SORBS3: variants seen among roughly 807,000 people sequenced by gnomAD.
SORBS3 encodes sorbin and SH3 domain containing 3.
In SORBS3, 69 loss-of-function variants were observed where a neutral mutation model predicts 98.0. The ratio of observed to expected loss-of-function variants is 0.70; its 90% CI spans 0.58 to 0.86. The LOEUF (loss-of-function observed/expected upper bound fraction) is 0.86. SORBS3 is among the 40% of genes least tolerant of loss of function. The pLI, the probability that SORBS3 is intolerant of heterozygous loss-of-function variation, is 0.00. For synonymous variants in SORBS3, 394 were observed against 355.4 expected (o/e 1.11, Z -1.22); for missense variants, 954 against 908.5 (o/e 1.05, Z -0.64).
chr8:22,571,772 C>T lies in SORBS3; in HGVS notation c.1798C>T (p.Leu600=), dbSNP rs2117299818. Residue 600 remains leucine, a synonymous_variant, in exon 19 of 21, where the codon CTG becomes TTG. Coordinates refer to ENST00000240123, the MANE Select transcript of SORBS3 (RefSeq NM_005775.5). The part of the protein sequence containing the change: ...LSHSRGPSHP[L]DLGTSSPNTS... The stretch of plus-strand genomic sequence containing the variant: ...CCACTCTCGAGGTCCCAGCCATCCC[C>T]TGGACCTGGGGACCTCCTCTCCTAA... The T allele has an allele frequency of 6.2e-7, 1 of 1,614,068 alleles. No individual in the cohort carries two copies. The highest frequency in any genetic ancestry group is 2.2e-5 in the East Asian group (1 of 44,888).
At chr8:22,557,011 C>G in intron 4 of SORBS3, 103 bp downstream of exon 4, 1 of 1,286,652 alleles carries the variant, frequency 7.8e-7, no homozygotes, top group East Asian at 2.5e-5. Context: ...AGGCCGCACC[C>G]AAACCATCCC....
chr8:22,555,877 C>CA (rs1024332368), intron 3 of SORBS3, among the ~76,000 whole-genome samples: 5 of 151,798 alleles, frequency 3.3e-5, no homozygotes, highest in African/African-American at 4.8e-5. Flanking sequence ...AAAACAAAAC[C>CA]AAAAAAAACA....
chr8:22,567,017 G>T (rs1323729085), intron 15 of SORBS3, 44 bp from the exon 16 acceptor site: 2 of 1,577,656 alleles, frequency 1.3e-6, no homozygotes, highest in Non-Finnish European at 1.7e-6. Context: ...AAGGAGGCTT[G>T]GGAAGGCTTC....
At chr8:22,558,057 A>C in intron 4 of SORBS3, 72 bp from the exon 5 acceptor site, 1 of 1,502,232 alleles carries the variant, frequency 6.7e-7, no homozygotes, top group Non-Finnish European at 9.3e-7. Context: ...CTCACTAGGG[A>C]AAGATTTTTG....
In SORBS3 at chr8:22,571,107, C is replaced by G; in HGVS notation, c.1629C>G (p.Pro543=). ...CTGCCGCCCGCTCAGCCCGTCACCC[C>G]AGCTCCCCCTCAGCCCTGCGCAGCC... is the stretch of plus-strand genomic sequence containing the variant. ...LTAAARSARH[P]SSPSALRSPA... is the part of the protein sequence containing the mutation. The change falls in exon 18 of 21, where the codon CCC becomes CCG. Residue 543 remains proline (P), a synonymous_variant. Coordinates refer to ENST00000240123, the MANE Select transcript of SORBS3 (RefSeq NM_005775.5). 6.2e-7 allele frequency: 1 copy of G among 1,609,972 alleles called. No homozygotes were observed. The highest frequency in any genetic ancestry group is 8.5e-7 in the Non-Finnish European group (1 of 1,179,160).
In SORBS3 at chr8:22,573,975, A is replaced by C. The variant is rs549272831; in HGVS notation, c.1955-692A>C. Among the ~76,000 whole-genome samples, 9 of 152,242 alleles carry C rather than the reference A, an allele frequency of 5.9e-5. No individual in the cohort carries two copies. The South Asian group carries it at 1.7e-3, about 28-fold the overall frequency. On this transcript the variant is annotated intron_variant, in intron 20 of 20. Coordinates refer to ENST00000240123, the MANE Select transcript of SORBS3 (RefSeq NM_005775.5). ...GGCTGCTCCAGAGGCAGGGGTGTGC[A>C]GGGAAAAGGGGCAGGGCTCTGAAGG...
chr8:22,568,215 TATTA>T (rs1233393854), intron 16 of SORBS3, among the ~76,000 whole-genome samples: 4 of 152,330 alleles, frequency 2.6e-5, no homozygotes, highest in Non-Finnish European at 4.4e-5. Flanking sequence ...TCTAGAGCTT[TATTA>T]ATTTACTTGA....
intron 17 of SORBS3, among the ~76,000 whole-genome samples, chr8:22,570,516 T>C (rs562954488): frequency 1.3e-5 from 2 of 152,236 alleles, no homozygotes; most frequent in East Asian, 1.9e-4. Context: ...TCACTTAACA[T>C]AGGAGAAAAC....
chr8:22,549,122 T>C (rs1055210231), upstream of SORBS3, among the ~76,000 whole-genome samples: 2 of 152,208 alleles, frequency 1.3e-5, no homozygotes, highest in African/African-American at 4.8e-5. Context: ...GTTATGTAAC[T>C]GTGTTTACTG....
intron 12 of SORBS3, chr8:22,566,111 C>T (rs1456759310): frequency 5.2e-6 from 3 of 577,246 alleles, no homozygotes; most frequent in Non-Finnish European, 7.9e-6. Context: ...GGGCGCAGCG[C>T]GGTTAGGGCG....
intron 10 of SORBS3, chr8:22,564,868 G>A (rs1840371468): frequency 7.9e-7 from 1 of 1,263,232 alleles, no homozygotes; most frequent in African/African-American, 1.5e-5. Context: ...AGGAAGCAGC[G>A]TGGGGGTGGG....
Position 22,565,845 on chromosome 8 carries a change from G to T in SORBS3, c.923G>T (p.Arg308Leu), listed in dbSNP as rs931512927. Residue 308 changes from arginine to leucine, a missense_variant, in exon 12 of 21, where the codon CGG becomes CTG. Coordinates refer to ENST00000240123, the MANE Select transcript of SORBS3 (RefSeq NM_005775.5). Reference sequence around the variant, plus strand: ...GCGCAGAGCTCGCCGGCGCCCCGACGGGCCCCGGAGCAGCGGCCCCCGGCC... The same window carrying T: ...GCGCAGAGCTCGCCGGCGCCCCGACTGGCCCCGGAGCAGCGGCCCCCGGCC... ...PSPKSSPAPR[R>L]APEQRPPAGP... The T allele has an allele frequency of 2.3e-6, 3 of 1,291,990 alleles. No homozygotes were observed. The African/African-American group carries it at 4.6e-5, about 20-fold the overall frequency. 80.0% of individuals were successfully genotyped at this position (1,291,990 alleles called of 1,614,324 possible).
Position 22,567,104 on chromosome 8 carries a change from G to GGCTTGTGTCTGGTGTTT in SORBS3, c.1234_1235insGCTTGTGTCTGGTGTTT (p.Glu412GlyfsTer78), listed in dbSNP as rs1840446318. ...GGGTGACATTGTCTACATCCACAAG[G>GGCTTGTGTCTGGTGTTT]AGGTGGACAAGAACTGGCTGGAGGG... On this transcript the variant is annotated frameshift_variant, in exon 16 of 21. Coordinates refer to ENST00000240123, the MANE Select transcript of SORBS3 (RefSeq NM_005775.5). LOFTEE classifies it high-confidence loss of function. 6.2e-7 allele frequency: 1 copy of GGCTTGTGTCTGGTGTTT among 1,613,496 alleles called. No homozygotes were observed. The highest frequency in any genetic ancestry group is 8.5e-7 in the Non-Finnish European group (1 of 1,179,862).
chr8:22,559,465 C>G (rs1224511000), intron 5 of SORBS3, among the ~76,000 whole-genome samples: 1 of 152,148 alleles, frequency 6.6e-6, no homozygotes, highest in African/African-American at 2.4e-5. Flanking sequence ...CTTTGGGAGG[C>G]CAAGGTGGGT....
At chr8:22,547,633 T>C (rs1840029816), upstream of SORBS3, among the ~76,000 whole-genome samples, 1 of 152,194 alleles carries the variant, frequency 6.6e-6, no homozygotes, top group Non-Finnish European at 1.5e-5. Context: ...GTGCCCTCCT[T>C]TGTGGCTGAG....
chr8:22,554,568 A>C lies in SORBS3; in HGVS notation c.62A>C (p.His21Pro), dbSNP rs771827568. 5.6e-6 allele frequency: 9 copies of C among 1,612,680 alleles called. No individual in the cohort carries two copies. Among genetic ancestry groups the C allele is most frequent in the Non-Finnish European group, 7.6e-6 (9 of 1,179,950 alleles). Residue 21 changes from histidine to proline, a missense_variant, in exon 2 of 21, where the codon CAC (histidine) becomes CCC (proline). His to Pro is a moderately conservative substitution (Grantham distance 77). Coordinates refer to ENST00000240123, the MANE Select transcript of SORBS3 (RefSeq NM_005775.5). This position sits in a 1 kb window ranked among gnomAD's most constrained non-coding sequence, Gnocchi z 6.5. ...GLSLDDFIPG[H>P]LQSHIGSSSR... The stretch of plus-strand genomic sequence containing the variant: ...AGCCTGGACGACTTCATCCCTGGCC[A>C]CCTCCAGTCCCACATAGGGTCTTCC...
Position 22,556,602 on chromosome 8 carries a change from C to T in SORBS3, c.221-113C>T, listed in dbSNP as rs534987323. 4.4e-5 allele frequency: 38 copies of T among 869,146 alleles called. 1 individual carries two copies. The South Asian group carries it at 4.8e-4, about 11-fold the overall frequency. 53.8% of individuals were successfully genotyped at this position (869,146 alleles called of 1,614,324 possible). A position where few individuals can be genotyped will look rare whatever the true frequency, so the allele number is the denominator to read the frequency against. ...GAGTCATCCACTCAAACAAACAAGG[C>T]GATGTTGAAACTTTGAACCCACAGA... On this transcript the variant is annotated intron_variant, in intron 3 of 20. Transcript: ENST00000240123.
At chr8:22,561,566 A>ACGGGGAACGCGCGCTCTGCCACTC in intron 6 of SORBS3, 193 bp downstream of exon 6, 1 of 647,466 alleles carries the variant, frequency 1.5e-6, no homozygotes, top group Non-Finnish European at 2.7e-6. Context: ...CTCAGCTTGC[A>ACGGGGAACGCGCGCTCTGCCACTC]CGGGGAACGC....
At chr8:22,552,172 G>T (rs1385894758) in intron 1 of SORBS3, 150 bp downstream of exon 1, 6 of 688,354 alleles carry the variant, frequency 8.7e-6, no homozygotes, top group Non-Finnish European at 1.1e-5. Context: ...CAGAAAAAGC[G>T]AAATTCAAGA....
Sources: allele counts gnomAD v4.1 joint callset (sites outside exome capture counted in the v4.1 genomes callset), GRCh38; gene constraint gnomAD v4.1.1; non-coding constraint Gnocchi (gnomAD v3.1); transcripts MANE v1.5; gene names NCBI Gene and HGNC (gene_info 2026-07-23, HGNC 2026-07-21).